Variants in CHST9 observed in about 807,000 individuals in gnomAD.
The protein encoded by CHST9 is GalNAc-4-sulfotransferase 2.
A neutral mutation model predicts 44.4 loss-of-function variants in CHST9; 41 were observed. The observed-to-expected ratio is 0.92, with a 90% CI of 0.72 to 1.20. The LOEUF is 1.20. Among genes scored for constraint, CHST9 ranks in the 50% most tolerant of loss-of-function variants. The pLI, the probability that CHST9 is intolerant of heterozygous loss-of-function variation, is 0.00. For synonymous variants in CHST9, 171 were observed against 178.4 expected (o/e 0.96, Z 0.33); for missense variants, 504 against 516.5 (o/e 0.98, Z 0.23).
intron 2 of CHST9, among the ~76,000 whole-genome samples, chr18:27,050,907 T>C (rs1468453085): frequency 1.3e-5 from 2 of 152,220 alleles, no homozygotes; most frequent in Non-Finnish European, 2.9e-5. Flanking sequence ...GTCTTTAACC[T>C]ATATTAGAAT....
chr18:27,104,537 T>C (rs2058204082), intron 2 of CHST9, among the ~76,000 whole-genome samples: 2 of 152,100 alleles, frequency 1.3e-5, no homozygotes, highest in African/African-American at 4.8e-5. Context: ...CATATAAGAG[T>C]GATTCTTGCA....
chr18:27,009,425 GA>G (rs1348225997), intron 4 of CHST9, among the ~76,000 whole-genome samples: 49 of 152,272 alleles, frequency 3.2e-4, no homozygotes, highest in African/African-American at 1.2e-3. Context: ...TGGATAATTT[GA>G]ATTCGTTGTT....
intron 2 of CHST9, among the ~76,000 whole-genome samples, chr18:27,122,204 T>C (rs972524027): frequency 6.6e-6 from 1 of 152,212 alleles, no homozygotes; most frequent in Admixed American, 6.5e-5. Flanking sequence ...AGTTTAAAAA[T>C]TGATTTACTA....
At chr18:27,141,222 G>A (rs1046408450) in intron 2 of CHST9, among the ~76,000 whole-genome samples, 5 of 152,032 alleles carry the variant, frequency 3.3e-5, no homozygotes, top group East Asian at 1.9e-4. Flanking sequence ...GAAATTAGCC[G>A]GGCGTGGTGG....
chr18:27,167,515 T>C (rs1237142858), intron 1 of CHST9, among the ~76,000 whole-genome samples: 1 of 152,234 alleles, frequency 6.6e-6, no homozygotes, highest in East Asian at 1.9e-4. Flanking sequence ...TTGGAGTTAC[T>C]CTAGCATACT....
At chr18:26,995,998 T>C (rs1445735235) in intron 4 of CHST9, among the ~76,000 whole-genome samples, 1 of 152,192 alleles carries the variant, frequency 6.6e-6, no homozygotes, top group Non-Finnish European at 1.5e-5. Context: ...ATAGTTAATA[T>C]GAAATGCCCG....
rs535502362 is a variant in CHST9, at chr18:26,932,559, G to A, written c.240+11770C>T. The stretch of plus-strand genomic sequence containing the variant: ...TTAGCTGGATCAGGGGTGAAGGGGG[G>A]CAAGCTGAAGTACCTTTCAACCCCT... On this transcript the variant is annotated intron_variant, in intron 5 of 5. Coordinates refer to ENST00000618847, the MANE Select transcript of CHST9 (RefSeq NM_031422.6). 2.0e-4 allele frequency among the ~76,000 whole-genome samples: 31 copies of A among 152,214 alleles called. No individual in the cohort carries two copies. The South Asian group carries it at 6.2e-3, about 31-fold the overall frequency.
intron 4 of CHST9, among the ~76,000 whole-genome samples, chr18:26,948,968 G>C (rs1417709203): frequency 1.3e-5 from 2 of 152,148 alleles, no homozygotes; most frequent in Non-Finnish European, 2.9e-5. Flanking sequence ...AAGAGGGAAG[G>C]GGCCCAGCCT....
At chr18:27,164,920 A>G (rs1490311727) in intron 1 of CHST9, among the ~76,000 whole-genome samples, 1 of 152,230 alleles carries the variant, frequency 6.6e-6, no homozygotes, top group Admixed American at 6.5e-5. Context: ...TGTAAAATAA[A>G]CATTTTCAGA....
At chr18:27,020,993 G>T (rs1321021369) in intron 4 of CHST9, among the ~76,000 whole-genome samples, 3 of 152,188 alleles carry the variant, frequency 2.0e-5, no homozygotes, top group Non-Finnish European at 4.4e-5. Flanking sequence ...GGTGCTAAAG[G>T]TGTGAGGGGC....
chr18:27,016,327 G>A lies in CHST9; in HGVS notation c.202+7789C>T, dbSNP rs370218359. 3.3e-4 allele frequency among the ~76,000 whole-genome samples: 50 copies of A among 152,234 alleles called. No homozygotes were observed. In the South Asian group the frequency reaches 8.1e-3, roughly 25 times the overall value. Reference sequence around the variant, plus strand: ...CTCCTGTTACCTTGGCCTAGAACACGTGGCTTTTACCTGCCTAAGGATTTC... The same window carrying A: ...CTCCTGTTACCTTGGCCTAGAACACATGGCTTTTACCTGCCTAAGGATTTC... On this transcript the variant is annotated intron_variant, in intron 4 of 5. Coordinates refer to ENST00000618847, the MANE Select transcript of CHST9 (RefSeq NM_031422.6).
chr18:27,053,218 G>GAAGAAGAA (rs2057599065), intron 2 of CHST9, among the ~76,000 whole-genome samples: 6 of 32,358 alleles, frequency 1.9e-4, no homozygotes, highest in African/African-American at 5.9e-4. Context: ...AGGAGGAAGA[G>GAAGAAGAA]GAAGAAGAAG....
intron 4 of CHST9, among the ~76,000 whole-genome samples, chr18:26,955,809 G>A (rs1344764284): frequency 6.6e-6 from 1 of 152,264 alleles, no homozygotes; most frequent in East Asian, 1.9e-4. Context: ...CTCAGCTGCT[G>A]GGGGCCTGAA....
intron 1 of CHST9, among the ~76,000 whole-genome samples, chr18:27,168,023 G>A (rs535892374): frequency 1.3e-5 from 2 of 152,012 alleles, no homozygotes; most frequent in South Asian, 4.2e-4. Flanking sequence ...AATTCTAAAG[G>A]GAAACAGATA....
intron 4 of CHST9, among the ~76,000 whole-genome samples, chr18:27,017,463 T>G (rs932649058): frequency 6.6e-6 from 1 of 152,140 alleles, no homozygotes; most frequent in African/African-American, 2.4e-5. Flanking sequence ...TGCAACAATC[T>G]CAAAATTATT....
intron 4 of CHST9, among the ~76,000 whole-genome samples, chr18:26,977,554 GT>G (rs1232410007): frequency 6.6e-6 from 1 of 152,132 alleles, no homozygotes; most frequent in Non-Finnish European, 1.5e-5. Flanking sequence ...GCAGTGATGA[GT>G]TTTGAAAATA....
chr18:27,020,289 G>C (rs2057208984), intron 4 of CHST9, among the ~76,000 whole-genome samples: 1 of 152,136 alleles, frequency 6.6e-6, no homozygotes, highest in Non-Finnish European at 1.5e-5. Context: ...GTTGAGGGTA[G>C]TAATGTGCCA....
At chr18:27,065,853 G>A (rs1034429837) in intron 2 of CHST9, among the ~76,000 whole-genome samples, 3 of 152,154 alleles carry the variant, frequency 2.0e-5, no homozygotes, top group Non-Finnish European at 4.4e-5. Flanking sequence ...ATTAACAAAA[G>A]TCACTTTGGC....
intron 2 of CHST9, among the ~76,000 whole-genome samples, chr18:27,132,634 AGGATTGCT>A (rs1364695561): frequency 1.3e-5 from 2 of 152,208 alleles, no homozygotes; most frequent in Non-Finnish European, 2.9e-5. Flanking sequence ...ACAGTGAAGA[AGGATTGCT>A]CTGCGCCATC....
Sources: allele counts gnomAD v4.1 joint callset (sites outside exome capture counted in the v4.1 genomes callset), GRCh38; gene constraint gnomAD v4.1.1; transcripts MANE v1.5; gene names NCBI Gene and HGNC (gene_info 2026-07-23, HGNC 2026-07-21).